MYT1L: variants seen among roughly 807,000 people sequenced by gnomAD.
MYT1L encodes myelin transcription factor 1-like protein.
MYT1L carries 12 observed loss-of-function variants against 126.7 expected under a neutral mutation model. The ratio of observed to expected loss-of-function variants is 0.09; its 90% CI spans 0.06 to 0.15. The LOEUF is 0.15. Among genes scored for constraint, MYT1L ranks in the 10% least tolerant of loss-of-function variants. MYT1L has a pLI of 1.00. For synonymous variants in MYT1L, 541 were observed against 604.2 expected (o/e 0.90, Z 1.53); for missense variants, 979 against 1,585.2 (o/e 0.62, Z 6.49).
chr2:2,324,588 A>AG (rs2096220422), intron 1 of MYT1L: 1 of 152,692 alleles, frequency 6.5e-6, no homozygotes, highest in Admixed American at 6.5e-5. Context: ...ACTAAACGAC[A>AG]GGGAAGACGG....
chr2:2,121,737 G>A (rs2081047083), intron 3 of MYT1L, among the ~76,000 whole-genome samples: 2 of 152,082 alleles, frequency 1.3e-5, no homozygotes, highest in South Asian at 2.1e-4. Context: ...CGCCCACCTC[G>A]GCCTCCCAAA....
intron 4 of MYT1L, among the ~76,000 whole-genome samples, chr2:2,049,237 CA>C: frequency 6.6e-6 from 1 of 152,242 alleles, no homozygotes; most frequent in African/African-American, 2.4e-5. Context: ...GTCATTAAAG[CA>C]AAACAATTTG....
chr2:1,881,585 TG>T (rs2047557128), intron 18 of MYT1L, among the ~76,000 whole-genome samples: 1 of 151,982 alleles, frequency 6.6e-6, no homozygotes, highest in South Asian at 2.1e-4. Flanking sequence ...GATGTGAAAA[TG>T]TAAATGGTAG....
rs182641125 is a variant in MYT1L at position 2,172,111 on chromosome 2, C to T, written c.-304+761G>A. Among the ~76,000 whole-genome samples, 5 of 152,294 alleles carry T rather than the reference C, an allele frequency of 3.3e-5. No individual in the cohort carries two copies. The East Asian group carries it at 7.7e-4, about 24-fold the overall frequency. ...CACTCGTTCAGAACCAACGACTTTA[C>T]AGGATCTGAGATTTGGGCCATATTT... On this transcript the variant is annotated intron_variant, in intron 3 of 24. Transcript: ENST00000647738.
At chr2:1,939,341 C>T (rs1483661628) in intron 9 of MYT1L, among the ~76,000 whole-genome samples, 2 of 152,198 alleles carry the variant, frequency 1.3e-5, no homozygotes, top group East Asian at 3.8e-4. Flanking sequence ...CATGAAAGGC[C>T]AGCCTCGGGA....
At chr2:2,301,258 C>CT (rs1170408546) in intron 1 of MYT1L, among the ~76,000 whole-genome samples, 1 of 152,140 alleles carries the variant, frequency 6.6e-6, no homozygotes, top group Non-Finnish European at 1.5e-5. Flanking sequence ...CTGTCTCTGT[C>CT]TTTTTTCCTC....
At chr2:1,884,921 G>A (rs764920205) in intron 18 of MYT1L, among the ~76,000 whole-genome samples, 1 of 152,172 alleles carries the variant, frequency 6.6e-6, no homozygotes, top group Non-Finnish European at 1.5e-5. Flanking sequence ...GAAGAAGAAA[G>A]TGCCGATGCT....
At chr2:2,328,002 T>C (rs2096261942) in intron 1 of MYT1L, among the ~76,000 whole-genome samples, 1 of 152,226 alleles carries the variant, frequency 6.6e-6, no homozygotes, top group Non-Finnish European at 1.5e-5. Context: ...ATCTAGTTTA[T>C]GCATGTGACT....
intron 3 of MYT1L, among the ~76,000 whole-genome samples, chr2:2,062,951 T>C (rs1175460071): frequency 6.6e-6 from 1 of 152,136 alleles, no homozygotes; most frequent in Non-Finnish European, 1.5e-5. Context: ...TCAGTGGTTG[T>C]TTTCTCTCCA....
intron 4 of MYT1L, among the ~76,000 whole-genome samples, chr2:2,046,770 G>T (rs1350824084): frequency 6.6e-6 from 1 of 152,116 alleles, no homozygotes; most frequent in Admixed American, 6.5e-5. Context: ...ATCTAGAAGT[G>T]GAATTACTAG....
chr2:2,181,519 G>C lies in MYT1L; in HGVS notation c.-420-8531C>G, dbSNP rs909331182. Reference sequence around the variant, plus strand: ...CCGTCTGTCAGAGGCTGTGGATGCAGAGTGTGATTTAAATGTGCTATGAGT... The same window carrying C: ...CCGTCTGTCAGAGGCTGTGGATGCACAGTGTGATTTAAATGTGCTATGAGT... On this transcript the variant is annotated intron_variant, in intron 2 of 24. Transcript: ENST00000647738. Among the ~76,000 whole-genome samples, 3 of 152,156 alleles carry C rather than the reference G, an allele frequency of 2.0e-5. No homozygotes were observed. In the South Asian group the frequency reaches 6.2e-4, roughly 32 times the overall value.
rs186516598 is a variant in MYT1L at position 2,280,511 on chromosome 2, G to A, written c.-421+3893C>T. 1.9e-3 allele frequency among the ~76,000 whole-genome samples: 295 copies of A among 152,266 alleles called. 2 individuals are homozygous for A. The highest frequency in any genetic ancestry group is 6.7e-3 in the African/African-American group (279 of 41,562). ...GAGACTATGGGGTGCCTTTTAAACCGAACTAAACTTCTTCTATCCGCCCTT... is the reference window on the plus strand; with the variant it reads ...GAGACTATGGGGTGCCTTTTAAACCAAACTAAACTTCTTCTATCCGCCCTT... On this transcript the variant is annotated intron_variant, in intron 2 of 24. Transcript: ENST00000647738.
At chr2:1,946,133 G>A (rs1455180486) in intron 8 of MYT1L, among the ~76,000 whole-genome samples, 1 of 151,998 alleles carries the variant, frequency 6.6e-6, no homozygotes, top group Non-Finnish European at 1.5e-5. Flanking sequence ...GAACCCTACT[G>A]AGAACTGAGA....
Position 1,839,413 on chromosome 2 carries a change from G to A in MYT1L, c.2859-43C>T, listed in dbSNP as rs372435818. 257 of 1,538,516 alleles carry A rather than the reference G, an allele frequency of 1.7e-4. No individual in the cohort carries two copies. The highest frequency in any genetic ancestry group is 1.4e-3 in the African/African-American group (105 of 73,328). On this transcript the variant is annotated intron_variant, in intron 20 of 24. Coordinates refer to ENST00000647738, the MANE Select transcript of MYT1L (RefSeq NM_001303052.2). ...TGACACACTTTATTGTCTGGCCACC[G>A]TCGCCTGGTGGCTTCTGTAACAAAG...
In MYT1L at chr2:1,839,247, C is replaced by T; in HGVS notation, c.2982G>A (p.Gln994=). 2 of 1,613,762 alleles carry T rather than the reference C, an allele frequency of 1.2e-6. No individual in the cohort carries two copies. The highest frequency in any genetic ancestry group is 8.5e-7 in the Non-Finnish European group (1 of 1,179,900). Residue 994 remains glutamine (Q), a synonymous_variant, in exon 21 of 25, where the codon CAG becomes CAA. Coordinates refer to ENST00000647738, the MANE Select transcript of MYT1L (RefSeq NM_001303052.2). Reference sequence around the variant, plus strand: ...CCGTCTTGACCGACTTCCAGGAGAACTGGGAGCCATTCAGGTACCCGTCTT... The same window carrying T: ...CCGTCTTGACCGACTTCCAGGAGAATTGGGAGCCATTCAGGTACCCGTCTT... The part of the protein sequence containing the change: ...RQKDGYLNGS[Q]FSWKSVKTEG...
intron 2 of MYT1L, among the ~76,000 whole-genome samples, chr2:2,211,243 A>G (rs1370604160): frequency 6.6e-6 from 1 of 152,228 alleles, no homozygotes; most frequent in Non-Finnish European, 1.5e-5. Flanking sequence ...GAGTTTAAAC[A>G]TCCCTTATAG....
At chr2:1,869,351 ACT>A (rs1282881108) in intron 18 of MYT1L, among the ~76,000 whole-genome samples, 1 of 152,234 alleles carries the variant, frequency 6.6e-6, no homozygotes, top group African/African-American at 2.4e-5. Context: ...TGGGAAGGGC[ACT>A]GAGTTGGGGG....
chr2:2,047,851 G>A (rs1227581972), intron 4 of MYT1L, among the ~76,000 whole-genome samples: 1 of 151,758 alleles, frequency 6.6e-6, no homozygotes, highest in Admixed American at 6.5e-5. Flanking sequence ...CTACTAAGGA[G>A]AAAATACGAA....
At chr2:2,014,403 G>C (rs1315642849) in intron 4 of MYT1L, among the ~76,000 whole-genome samples, 2 of 152,176 alleles carry the variant, frequency 1.3e-5, no homozygotes, top group Admixed American at 6.5e-5. Context: ...CTTCACTGCT[G>C]ACAGCCCTGG....
Sources: gnomAD v4.1 joint callset for allele counts (sites outside exome capture counted in the v4.1 genomes callset) on GRCh38, gnomAD v4.1.1 for gene constraint, MANE v1.5 for transcripts, NCBI Gene and HGNC (gene_info 2026-07-23, HGNC 2026-07-21) for gene names.